THSD7B: variants seen among roughly 807,000 people sequenced by gnomAD.
THSD7B encodes the protein thrombospondin type 1 domain containing 7B.
In THSD7B, 138 loss-of-function variants were observed where a neutral mutation model predicts 213.6. The ratio of observed to expected loss-of-function variants is 0.65; its 90% CI spans 0.56 to 0.74. The LOEUF (loss-of-function observed/expected upper bound fraction) is 0.74, where lower values mean the gene tolerates loss of function less well. THSD7B is among the 30% of genes least tolerant of loss of function. THSD7B has a pLI of 0.00. For missense variants in THSD7B, 1,931 were observed against 1,991.5 expected (o/e 0.97, Z 0.58); for synonymous variants, 742 against 687.0 (o/e 1.08, Z -1.25).
chr2:137,441,147 T>A (rs1487120134), intron 14 of THSD7B, among the ~76,000 whole-genome samples: 1 of 152,174 alleles, frequency 6.6e-6, no homozygotes, highest in East Asian at 1.9e-4. Context: ...ATATCATTTT[T>A]AATTATATTT....
chr2:137,601,183 T>C (rs1049628354), intron 17 of THSD7B, among the ~76,000 whole-genome samples: 1 of 152,122 alleles, frequency 6.6e-6, no homozygotes, highest in African/African-American at 2.4e-5. Context: ...ATGGAAAACA[T>C]TTTAAAATAA....
intron 12 of THSD7B, among the ~76,000 whole-genome samples, chr2:137,349,279 G>C (rs534458261): frequency 6.6e-6 from 1 of 151,584 alleles, no homozygotes; most frequent in Non-Finnish European, 1.5e-5. Flanking sequence ...ATTTTTAACA[G>C]CATTTTTATC....
At chr2:137,600,917 C>T (rs1573736255) in intron 17 of THSD7B, among the ~76,000 whole-genome samples, 2 of 151,924 alleles carry the variant, frequency 1.3e-5, no homozygotes, top group South Asian at 2.1e-4. Flanking sequence ...ATTGATGATC[C>T]GGACCCTGTG....
intron 15 of THSD7B, among the ~76,000 whole-genome samples, chr2:137,480,053 C>A (rs1368354343): frequency 6.6e-6 from 1 of 152,212 alleles, no homozygotes; most frequent in Non-Finnish European, 1.5e-5. Flanking sequence ...AGGCACCCAA[C>A]GAAGTTTGGC....
rs529576926 is a variant in THSD7B, at chr2:137,558,763, G to C, written c.3139-4458G>C. Reference sequence around the variant, plus strand: ...AAATGGTATTCAATTAGGAAAAGAGGAATTCAAATTGTCCCTGTTTGCAGA... The same window carrying C: ...AAATGGTATTCAATTAGGAAAAGAGCAATTCAAATTGTCCCTGTTTGCAGA... On this transcript the variant is annotated intron_variant, in intron 15 of 27. Transcript: ENST00000409968. 4.3e-4 allele frequency among the ~76,000 whole-genome samples: 65 copies of C among 152,264 alleles called. 1 individual carries two copies. The South Asian group carries it at 0.013, about 31-fold the overall frequency.
At chr2:137,483,111 T>G (rs1453584070) in intron 15 of THSD7B, among the ~76,000 whole-genome samples, 1 of 152,198 alleles carries the variant, frequency 6.6e-6, no homozygotes, top group Non-Finnish European at 1.5e-5. Flanking sequence ...CATTCCTTGG[T>G]TCTCTGCTTC....
At chr2:137,010,827 T>C (rs1008561229) in intron 2 of THSD7B, among the ~76,000 whole-genome samples, 1 of 152,168 alleles carries the variant, frequency 6.6e-6, no homozygotes, top group South Asian at 2.1e-4. Context: ...AGGCATTCAA[T>C]AAGAATTAAA....
chr2:137,661,210 GAC>G (rs916232449), intron 25 of THSD7B, among the ~76,000 whole-genome samples: 3 of 152,080 alleles, frequency 2.0e-5, no homozygotes, highest in African/African-American at 7.2e-5. Context: ...CACTTCCAGA[GAC>G]AGATAGGAAT....
intron 2 of THSD7B, among the ~76,000 whole-genome samples, chr2:136,952,731 AT>A (rs1312427572): frequency 1.3e-5 from 2 of 151,882 alleles, no homozygotes; most frequent in Non-Finnish European, 2.9e-5. Flanking sequence ...GTATTCTTTT[AT>A]TTTTTTGATC....
At chr2:137,336,254 A>G (rs1282521198) in intron 12 of THSD7B, among the ~76,000 whole-genome samples, 2 of 152,196 alleles carry the variant, frequency 1.3e-5, no homozygotes, top group African/African-American at 4.8e-5. Flanking sequence ...CAAAGCTGCA[A>G]TAAAAAGTGC....
At chr2:136,946,260 C>T (rs1260077559) in intron 2 of THSD7B, among the ~76,000 whole-genome samples, 1 of 152,180 alleles carries the variant, frequency 6.6e-6, no homozygotes, top group Non-Finnish European at 1.5e-5. Context: ...AGGTCCACTC[C>T]AGACCCTGTT....
At chr2:137,645,864 A>C (rs138920543) in intron 21 of THSD7B, among the ~76,000 whole-genome samples, 131 of 152,312 alleles carry the variant, frequency 8.6e-4, no homozygotes, top group Admixed American at 2.1e-3. Flanking sequence ...ATATGGAATA[A>C]TAAGTTATAA....
chr2:137,147,448 C>G (rs993474872), intron 5 of THSD7B, among the ~76,000 whole-genome samples: 1 of 150,316 alleles, frequency 6.7e-6, no homozygotes, highest in African/African-American at 2.5e-5. Flanking sequence ...TACAATGAGG[C>G]CTTCATTACT....
At chr2:137,660,067 A>T (rs1683314439) in intron 25 of THSD7B, among the ~76,000 whole-genome samples, 1 of 152,218 alleles carries the variant, frequency 6.6e-6, no homozygotes, top group Non-Finnish European at 1.5e-5. Flanking sequence ...CTATTTTGAA[A>T]GATACTATAA....
chr2:137,015,882 C>A (rs546300459), intron 2 of THSD7B, among the ~76,000 whole-genome samples: 5 of 152,218 alleles, frequency 3.3e-5, no homozygotes, highest in Non-Finnish European at 5.9e-5. Context: ...GAGCTCAGTT[C>A]CCCTTTCCTC....
intron 15 of THSD7B, 48 bp from the exon 16 acceptor site, chr2:137,563,173 T>C (rs747897256): frequency 1.3e-6 from 2 of 1,585,730 alleles, no homozygotes; most frequent in Non-Finnish European, 1.7e-6. Flanking sequence ...TATTTTTCTA[T>C]AAGTTGGATA....
intron 3 of THSD7B, 52 bp downstream of exon 3, chr2:137,057,282 C>T (rs1425075606): frequency 7.0e-7 from 1 of 1,421,758 alleles, no homozygotes; most frequent in African/African-American, 1.4e-5. Flanking sequence ...TTTTATAGTG[C>T]AACTTTATAA....
At chr2:137,116,628 A>C (rs1355470886) in intron 5 of THSD7B, among the ~76,000 whole-genome samples, 1 of 152,170 alleles carries the variant, frequency 6.6e-6, no homozygotes, top group African/African-American at 2.4e-5. Flanking sequence ...ATCTTTCTAA[A>C]CTTTCTTTTG....
At chr2:137,026,091 A>G (rs1000602272) in intron 2 of THSD7B, among the ~76,000 whole-genome samples, 1 of 152,130 alleles carries the variant, frequency 6.6e-6, no homozygotes, top group Admixed American at 6.6e-5. Flanking sequence ...AAGATGAACT[A>G]TCCTCCTTCT....
Sources: allele counts gnomAD v4.1 joint callset (sites outside exome capture counted in the v4.1 genomes callset), GRCh38; gene constraint gnomAD v4.1.1; transcripts MANE v1.5; gene names NCBI Gene and HGNC (gene_info 2026-07-23, HGNC 2026-07-21).